The following VCAM1 variants were observed in gnomAD, a reference collection of about 807,000 sequenced individuals.
The protein encoded by VCAM1 is vascular cell adhesion molecule 1.
A neutral mutation model predicts 63.8 loss-of-function variants in VCAM1; 41 were observed. The observed-to-expected ratio is 0.64, with a 90% CI of 0.50 to 0.83. VCAM1 has a LOEUF of 0.83. VCAM1 is among the 40% of genes least tolerant of loss of function. The pLI, the probability that VCAM1 is intolerant of heterozygous loss-of-function variation, is 0.00. For missense variants in VCAM1, 798 were observed against 875.5 expected (o/e 0.91, Z 1.12); for synonymous variants, 338 against 320.7 (o/e 1.05, Z -0.58).
In VCAM1 at chr1:100,731,425, G is replaced by A. The variant is rs1660451836; in HGVS notation, c.1432G>A (p.Gly478Arg). 1.9e-6 allele frequency: 3 copies of A among 1,613,752 alleles called. No individual in the cohort carries two copies. The South Asian group carries it at 3.3e-5, about 18-fold the overall frequency. The change falls in exon 6 of 9, where the codon GGA (glycine) becomes AGA (arginine). Residue 478 changes from glycine to arginine, a missense_variant. Physicochemically the swap from Gly to Arg is moderately radical, Grantham distance 125. Coordinates refer to ENST00000294728, the MANE Select transcript of VCAM1 (RefSeq NM_001078.4). The surrounding 1 kb of genome is among the most constrained non-coding windows in gnomAD (Gnocchi z 4.2). ...MTFIPTIEDT[G>R]KALVCQAKLH... is the part of the protein sequence containing the mutation. ...CTTCATCCCTACCATTGAAGATACT[G>A]GAAAAGCTCTTGTTTGTCAGGCTAA...
At chr1:100,736,380 T>C (rs992986005) in intron 8 of VCAM1, 9 of 152,202 alleles carry the variant, frequency 5.9e-5, no homozygotes, top group Non-Finnish European at 1.0e-4. Flanking sequence ...TGCATTTGGC[T>C]GGATTTTTTA....
rs1660436460 is a variant in VCAM1 at position 100,731,098 on chromosome 1, A to G, written c.1205-100A>G. 9.2e-7 allele frequency: 1 copy of G among 1,089,918 alleles called. No individual in the cohort carries two copies. Among genetic ancestry groups the G allele is most frequent in the Admixed American group, 2.9e-5 (1 of 34,762 alleles). 67.5% of individuals were successfully genotyped at this position (1,089,918 alleles called of 1,614,324 possible). On this transcript the variant is annotated intron_variant, in intron 5 of 8. Transcript: ENST00000294728. This position sits in a 1 kb window ranked among gnomAD's most constrained non-coding sequence, Gnocchi z 4.2. ...ATTGACAGTCATTCTATCCCAGGTG[A>G]CTTAAAGCTGTCATTTTTAGGCCTT... is the stretch of plus-strand genomic sequence containing the variant.
intron 8 of VCAM1, chr1:100,736,394 G>C (rs1660650111): frequency 6.6e-6 from 1 of 152,004 alleles, no homozygotes. Flanking sequence ...TTTTTTATTT[G>C]TTTCATTTTG....
rs374064623 is a variant in VCAM1, at chr1:100,737,840, C to A, written c.2060-283C>A. On this transcript the variant is annotated intron_variant, in intron 8 of 8. Coordinates refer to ENST00000294728, the MANE Select transcript of VCAM1 (RefSeq NM_001078.4). ...TTCCTGTTCTTGTTAAAAACTTGTA[C>A]CCTCCCTTCCATTTTACAACTGAAC... 54 of 220,416 alleles carry A rather than the reference C, an allele frequency of 2.4e-4. No individual in the cohort carries two copies. In the East Asian group the frequency reaches 4.6e-3, roughly 19 times the overall value. The allele number at this position is 220,416 out of a possible 1,614,324, so 13.7% of individuals were successfully genotyped here.
intron 4 of VCAM1, among the ~76,000 whole-genome samples, chr1:100,726,978 A>G (rs191092956): frequency 2.8e-4 from 43 of 152,138 alleles, no homozygotes; most frequent in Admixed American, 3.9e-4. Flanking sequence ...CCTCGGCAAT[A>G]TAGTGAGACC....
intron 4 of VCAM1, among the ~76,000 whole-genome samples, chr1:100,727,403 G>T (rs1267434736): frequency 6.6e-6 from 1 of 152,060 alleles, no homozygotes; most frequent in Non-Finnish European, 1.5e-5. Context: ...TCGGTTGGAT[G>T]TTAGGTTAGC....
At chr1:100,732,287 T>G in intron 6 of VCAM1, 131 bp from the exon 7 acceptor site, 1 of 927,572 alleles carries the variant, frequency 1.1e-6, no homozygotes, top group Non-Finnish European at 1.5e-6. Context: ...CAAAACCTCT[T>G]GTGGTGAATT....
chr1:100,729,131 C>T lies in VCAM1; in HGVS notation c.953C>T (p.Ser318Phe), dbSNP rs3783611. The T allele has an allele frequency of 1.2e-3, 1,858 of 1,602,138 alleles. 23 individuals carry two copies. The African/African-American group carries it at 0.022, about 19-fold the overall frequency. ...VQEKPFTVEI[S>F]PGPRIAAQIG... is the part of the protein sequence containing the mutation. ...GAGAAACCATTTACTGTTGAGATCT[C>T]CCCTGGACCCCGGATTGCTGCTCAG... Residue 318 changes from serine to phenylalanine, a missense_variant, in exon 5 of 9, where the codon TCC becomes TTC. Transcript: ENST00000294728.
chr1:100,729,149 C>T lies in VCAM1; in HGVS notation c.971C>T (p.Ala324Val). 6.2e-7 allele frequency: 1 copy of T among 1,609,640 alleles called. No individual in the cohort carries two copies. The highest frequency in any genetic ancestry group is 8.5e-7 in the Non-Finnish European group (1 of 1,177,070). The change falls in exon 5 of 9, where the codon GCT (alanine) becomes GTT (valine). Residue 324 changes from alanine (A) to valine (V), a missense_variant. Coordinates refer to ENST00000294728, the MANE Select transcript of VCAM1 (RefSeq NM_001078.4). ...TVEISPGPRI[A>V]AQIGDSVMLT... The stretch of plus-strand genomic sequence containing the variant: ...GAGATCTCCCCTGGACCCCGGATTG[C>T]TGCTCAGATTGGAGACTCAGTCATG...
chr1:100,729,317 C>T lies in VCAM1; in HGVS notation c.1139C>T (p.Ser380Phe). The change falls in exon 5 of 9, where the codon TCT becomes TTT. Residue 380 changes from serine to phenylalanine, a missense_variant. By Grantham distance (155) the Ser-to-Phe change is radical (BLOSUM62 -2). Transcript: ENST00000294728. Reference sequence around the variant, plus strand: ...CCTGTGAGTTTTGAGAACGAACACTCTTATCTGTGCACAGTGACTTGTGGA... The same window carrying T: ...CCTGTGAGTTTTGAGAACGAACACTTTTATCTGTGCACAGTGACTTGTGGA... Reference protein sequence around the residue: ...LSPVSFENEHSYLCTVTCGHK... With the variant: ...LSPVSFENEHFYLCTVTCGHK... 6.2e-7 allele frequency: 1 copy of T among 1,613,374 alleles called. No individual in the cohort carries two copies. The highest frequency in any genetic ancestry group is 8.5e-7 in the Non-Finnish European group (1 of 1,179,614).
rs778041376 is a variant in VCAM1, at chr1:100,729,188, T to C, written c.1010T>C (p.Val337Ala). Residue 337 changes from valine (V) to alanine (A), a missense_variant, in exon 5 of 9, where the codon GTC becomes GCC. Physicochemically the swap from Val to Ala is moderately conservative, Grantham distance 64. Transcript: ENST00000294728. The part of the protein sequence containing the change: ...IGDSVMLTCS[V>A]MGCESPSFSW... ...GACTCAGTCATGTTGACATGTAGTG[T>C]CATGGGCTGTGAATCCCCATCTTTC... 4.3e-6 allele frequency: 7 copies of C among 1,613,626 alleles called. No individual in the cohort carries two copies. The highest frequency in any genetic ancestry group is 5.9e-6 in the Non-Finnish European group (7 of 1,179,736).
Position 100,731,304 on chromosome 1 carries a change from G to A in VCAM1, c.1311G>A (p.Glu437=), listed in dbSNP as rs200627951. 8 of 1,613,888 alleles carry A rather than the reference G, an allele frequency of 5.0e-6. No homozygotes were observed. The Admixed American group carries it at 1.3e-4, about 27-fold the overall frequency. Residue 437 remains glutamate, a synonymous_variant, in exon 6 of 9, where the codon GAG becomes GAA. Coordinates refer to ENST00000294728, the MANE Select transcript of VCAM1 (RefSeq NM_001078.4). The surrounding 1 kb of genome is among the most constrained non-coding windows in gnomAD (Gnocchi z 4.2). ...GCGTGTACCCCCTTGACCGGCTGGA[G>A]ATTGAATTACTTAAGGGGGAGACTA... The part of the protein sequence containing the change: ...VPSVYPLDRL[E]IELLKGETIL...
In VCAM1 at chr1:100,723,147, T is replaced by A. The variant is rs750179383; in HGVS notation, c.468T>A (p.Asp156Glu). The change falls in exon 3 of 9, where the codon GAT (aspartate) becomes GAA (glutamate). Residue 156 changes from aspartate (D) to glutamate (E), a missense_variant. Transcript: ENST00000294728. ...TGGAGATAGACTTACTGAAAGGAGA[T>A]CATCTCATGAAGAGTCAGGAATTTC... ...DRLEIDLLKG[D>E]HLMKSQEFLE... 3 of 1,612,960 alleles carry A rather than the reference T, an allele frequency of 1.9e-6. No homozygotes were observed. The highest frequency in any genetic ancestry group is 2.5e-6 in the Non-Finnish European group (3 of 1,179,454).
At chr1:100,737,939 A>T (rs1660715095) in intron 8 of VCAM1, 184 bp from the exon 9 acceptor site, 1 of 593,438 alleles carries the variant, frequency 1.7e-6, no homozygotes, top group East Asian at 3.0e-5. Flanking sequence ...CATAGCAACC[A>T]CCAACTGATT....
chr1:100,737,983 T>G, intron 8 of VCAM1, 140 bp from the exon 9 acceptor site: 1 of 870,582 alleles, frequency 1.1e-6, no homozygotes, highest in South Asian at 1.8e-5. Flanking sequence ...GCATCTTGGG[T>G]CCTGATGGTC....
chr1:100,727,485 G>A (rs1660215231), intron 4 of VCAM1, among the ~76,000 whole-genome samples: 1 of 152,042 alleles, frequency 6.6e-6, no homozygotes, highest in Non-Finnish European at 1.5e-5. Context: ...CTGGAATAAT[G>A]TCACTCCATA....
intron 4 of VCAM1, among the ~76,000 whole-genome samples, chr1:100,728,287 A>G (rs1660251409): frequency 1.3e-5 from 2 of 152,126 alleles, no homozygotes; most frequent in African/African-American, 4.8e-5. Flanking sequence ...TGACTTATGT[A>G]TCATTTTAAT....
rs1660432668 is a variant in VCAM1, at chr1:100,731,010, T to C, written c.1205-188T>C. ...CTGGATATACTAAGTAGTTTTTGTT[T>C]CTAACATTATTCATATATAATATCA... On this transcript the variant is annotated intron_variant, in intron 5 of 8. Transcript: ENST00000294728. The surrounding 1 kb of genome is among the most constrained non-coding windows in gnomAD (Gnocchi z 4.2). 6.6e-6 allele frequency among the ~76,000 whole-genome samples: 1 copy of C among 152,190 alleles called. No individual in the cohort carries two copies. The highest frequency in any genetic ancestry group is 1.5e-5 in the Non-Finnish European group (1 of 68,022).
At chr1:100,734,446 A>G (rs2100834747) in intron 7 of VCAM1, 56 bp from the exon 8 acceptor site, 5 of 1,547,756 alleles carry the variant, frequency 3.2e-6, no homozygotes, top group Non-Finnish European at 4.4e-6. Flanking sequence ...CTAAATTAAT[A>G]TGGAGTTGGT....
Sources: allele counts gnomAD v4.1 joint callset (sites outside exome capture counted in the v4.1 genomes callset), GRCh38; gene constraint gnomAD v4.1.1; non-coding constraint Gnocchi (gnomAD v3.1); transcripts MANE v1.5; gene names NCBI Gene and HGNC (gene_info 2026-07-23, HGNC 2026-07-21).